TUB: variants seen among roughly 807,000 people sequenced by gnomAD.
The protein encoded by TUB is tubby protein homolog.
TUB carries 33 observed loss-of-function variants against 59.7 expected under a neutral mutation model. The ratio of observed to expected loss-of-function variants is 0.55; its 90% CI spans 0.42 to 0.74. The LOEUF is 0.74. Ranked by LOEUF, TUB falls within the 30% of genes least tolerant of loss-of-function variation. The pLI is 0.00. For synonymous variants in TUB, 293 were observed against 256.4 expected, an observed-to-expected ratio of 1.14 and a Z score of -1.36; for missense variants, 659 against 672.0, an observed-to-expected ratio of 0.98 and a Z score of 0.21.
intron 1 of TUB, among the ~76,000 whole-genome samples, chr11:8,024,533 A>G (rs79768935): frequency 0.016 from 2,464 of 152,054 alleles, 66 homozygotes; most frequent in African/African-American, 0.054. Context: ...AATTGATCAC[A>G]TCAGGCATCA....
chr11:8,020,170 T>C (rs1283683653), intron 1 of TUB, among the ~76,000 whole-genome samples: 2 of 152,220 alleles, frequency 1.3e-5, no homozygotes, highest in Non-Finnish European at 2.9e-5. Context: ...ACCATGATGA[T>C]AGTAGATAGT....
intron 2 of TUB, among the ~76,000 whole-genome samples, chr11:8,073,529 G>C (rs1943394361): frequency 6.6e-6 from 1 of 152,196 alleles, no homozygotes; most frequent in South Asian, 2.1e-4. Flanking sequence ...TAAAGGAAAT[G>C]GCTCTTGTTT....
chr11:8,035,071 G>A (rs1942627634), upstream of TUB, among the ~76,000 whole-genome samples: 1 of 152,216 alleles, frequency 6.6e-6, no homozygotes, highest in Non-Finnish European at 1.5e-5. Flanking sequence ...CTCCAGGGCT[G>A]AGACTAGGGT....
upstream of TUB, among the ~76,000 whole-genome samples, chr11:8,036,349 G>A (rs532523756): frequency 1.3e-3 from 201 of 152,308 alleles, no homozygotes; most frequent in African/African-American, 4.5e-3. Context: ...TTTTCCTGCA[G>A]ATAGGAATAC....
chr11:8,080,267 C>T (rs1943523250), upstream of TUB, among the ~76,000 whole-genome samples: 1 of 152,232 alleles, frequency 6.6e-6, no homozygotes, highest in Non-Finnish European at 1.5e-5. Flanking sequence ...CGTGCCCCTC[C>T]GCAGACCTCT....
rs548623810 is a variant in TUB at position 8,096,836 on chromosome 11, T to C, written c.687+30T>C. The C allele has an allele frequency of 9.3e-6, 15 of 1,612,624 alleles. No homozygotes were observed. The South Asian group carries it at 1.5e-4, about 17-fold the overall frequency. On this transcript the variant is annotated intron_variant, in intron 6 of 11. Coordinates refer to ENST00000299506, the MANE Select transcript of TUB (RefSeq NM_177972.3). ...GTGAGTGAGTCTGCATCCACAGCAG[T>C]TTTTGGAGGACTGCTCATCCGTTAG...
chr11:8,056,644 G>T (rs1485789543), intron 2 of TUB, among the ~76,000 whole-genome samples: 1 of 152,072 alleles, frequency 6.6e-6, no homozygotes, highest in Non-Finnish European at 1.5e-5. Flanking sequence ...GGTGTGGTTT[G>T]GGTATGCAGG....
Position 8,101,493 on chromosome 11 carries a change from C to T in TUB, c.1395C>T (p.Tyr465=). 6.2e-7 allele frequency: 1 copy of T among 1,614,218 alleles called. No homozygotes were observed. Among genetic ancestry groups the T allele is most frequent in the Non-Finnish European group, 8.5e-7 (1 of 1,180,032 alleles). The change falls in exon 12 of 12, where the codon TAC becomes TAT. Residue 465 remains tyrosine (Y), a synonymous_variant. Transcript: ENST00000299506. ...GCCTGTGCTTGGCCCCAGCGGACTACATCGTGATGCAGTTTGGCCGGGTAG... is the reference window on the plus strand; with the variant it reads ...GCCTGTGCTTGGCCCCAGCGGACTATATCGTGATGCAGTTTGGCCGGGTAG... ...FQIIHGNDPD[Y]IVMQFGRVAE...
intron 1 of TUB, among the ~76,000 whole-genome samples, chr11:8,029,577 C>A (rs193210574): frequency 6.6e-6 from 1 of 151,878 alleles, no homozygotes; most frequent in Non-Finnish European, 1.5e-5. Context: ...TTGGTATTGA[C>A]GAGTTTTCAC....
In TUB at chr11:8,101,749, C is replaced by T; in HGVS notation, c.*130C>T. ...TGAAGCTTTGGCCCTCAGTGGGCTCCCTGGCCCAGCCAGCCAGGAACTGGC... is the reference window on the plus strand; with the variant it reads ...TGAAGCTTTGGCCCTCAGTGGGCTCTCTGGCCCAGCCAGCCAGGAACTGGC... On this transcript the variant is annotated 3_prime_UTR_variant, in exon 12 of 12. Coordinates refer to ENST00000299506, the MANE Select transcript of TUB (RefSeq NM_177972.3). The T allele has an allele frequency of 1.4e-6, 2 of 1,435,200 alleles. No individual in the cohort carries two copies. The highest frequency in any genetic ancestry group is 1.8e-6 in the Non-Finnish European group (2 of 1,090,852). The allele number at this position is 1,435,200 out of a possible 1,614,324, so 88.9% of individuals were successfully genotyped here. A position where few individuals can be genotyped will look rare whatever the true frequency, so the allele number is the denominator to read the frequency against.
intron 2 of TUB, among the ~76,000 whole-genome samples, chr11:8,045,349 T>A (rs900882172): frequency 1.3e-5 from 2 of 152,258 alleles, no homozygotes; most frequent in African/African-American, 4.8e-5. Context: ...TCTTCTTGTG[T>A]GCACTGGTGA....
At chr11:8,070,426 GATA>G (rs141867771) in intron 2 of TUB, among the ~76,000 whole-genome samples, 5,909 of 152,216 alleles carry the variant, frequency 0.039, 173 homozygotes, top group Non-Finnish European at 0.058. Flanking sequence ...TTTTGCAAAT[GATA>G]ATTTTTTTAT....
intron 1 of TUB, among the ~76,000 whole-genome samples, chr11:8,082,007 T>G (rs1461545314): frequency 6.6e-6 from 1 of 152,228 alleles, no homozygotes; most frequent in Non-Finnish European, 1.5e-5. Flanking sequence ...ACAGTTATTC[T>G]GAACCAAGAG....
chr11:8,059,883 G>A (rs1263246080), intron 2 of TUB, among the ~76,000 whole-genome samples: 1 of 152,186 alleles, frequency 6.6e-6, no homozygotes, highest in Non-Finnish European at 1.5e-5. Flanking sequence ...GAAGGAGGCT[G>A]GGGACATGTG....
At chr11:8,040,098 C>T (rs944448089) in intron 2 of TUB, among the ~76,000 whole-genome samples, 6 of 152,192 alleles carry the variant, frequency 3.9e-5, no homozygotes, top group Non-Finnish European at 7.3e-5. Context: ...GGCAGAGCCT[C>T]CAGCCCCCCT....
chr11:8,068,846 T>C (rs1370377123), intron 2 of TUB: 1 of 152,172 alleles, frequency 6.6e-6, no homozygotes. Context: ...GTGTTAGTCA[T>C]CTCTGGGTCC....
intron 9 of TUB, among the ~76,000 whole-genome samples, chr11:8,099,953 G>C (rs1017256327): frequency 1.3e-5 from 2 of 152,200 alleles, no homozygotes; most frequent in Non-Finnish European, 2.9e-5. Flanking sequence ...CACATCTCCA[G>C]CTTTAACTTG....
chr11:8,021,016 G>T (rs530455165), intron 1 of TUB, among the ~76,000 whole-genome samples: 1 of 152,198 alleles, frequency 6.6e-6, no homozygotes. Flanking sequence ...ATTCCATATA[G>T]TAAATAATTT....
chr11:8,063,456 G>T (rs908886790), intron 2 of TUB, among the ~76,000 whole-genome samples: 3 of 152,200 alleles, frequency 2.0e-5, no homozygotes, highest in South Asian at 2.1e-4. Context: ...GTTGAAGCTG[G>T]AGTCAGGCCA....
Sources: allele counts gnomAD v4.1 joint callset (sites outside exome capture counted in the v4.1 genomes callset), GRCh38; gene constraint gnomAD v4.1.1; transcripts MANE v1.5; gene names NCBI Gene and HGNC (gene_info 2026-07-23, HGNC 2026-07-21).